Variants in CEP170 observed in about 807,000 individuals in gnomAD.
The protein encoded by CEP170 is centrosomal protein of 170 kDa.
Under a neutral mutation model 151.9 loss-of-function variants are expected in CEP170, and 21 were observed. The ratio of observed to expected loss-of-function variants is 0.14; its 90% CI spans 0.10 to 0.20. CEP170 has a LOEUF of 0.20. CEP170 is among the 10% of genes least tolerant of loss of function. The pLI, the probability that CEP170 is intolerant of heterozygous loss-of-function variation, is 1.00. For missense variants in CEP170, 964 were observed against 1,892.9 expected (o/e 0.51, Z 9.11); for synonymous variants, 356 against 648.8 (o/e 0.55, Z 6.86).
At chr1:243,201,269 G>T (rs1175886613) in intron 4 of CEP170, among the ~76,000 whole-genome samples, 2 of 151,936 alleles carry the variant, frequency 1.3e-5, no homozygotes, top group African/African-American at 2.4e-5. Flanking sequence ...AACTTCATAA[G>T]CATTGATAAA....
At chr1:243,244,171 T>G (rs942481381) in intron 1 of CEP170, among the ~76,000 whole-genome samples, 2 of 152,192 alleles carry the variant, frequency 1.3e-5, no homozygotes, top group African/African-American at 4.8e-5. Flanking sequence ...TGCTGATGAA[T>G]GGAATGATAA....
At chr1:243,224,016 A>C (rs939050950) in intron 2 of CEP170, among the ~76,000 whole-genome samples, 3 of 152,204 alleles carry the variant, frequency 2.0e-5, no homozygotes, top group Non-Finnish European at 4.4e-5. Flanking sequence ...TAGGAAGAAT[A>C]TGTAATGGAT....
intron 1 of CEP170, among the ~76,000 whole-genome samples, chr1:243,245,969 C>A (rs1485133645): frequency 1.3e-5 from 2 of 151,110 alleles, no homozygotes; most frequent in African/African-American, 4.8e-5. Context: ...AAAAAGAAAG[C>A]AAATTTTAAA....
At chr1:243,212,703 T>TC (rs1491470814) in intron 3 of CEP170, among the ~76,000 whole-genome samples, 65 of 148,850 alleles carry the variant, frequency 4.4e-4, no homozygotes, top group Non-Finnish European at 7.8e-4. Flanking sequence ...TCTCTCTCTC[T>TC]TTCTTTCAGG....
chr1:243,191,295 A>G lies in CEP170; in HGVS notation c.831T>C (p.His277=). 1 of 1,613,100 alleles carries G rather than the reference A, an allele frequency of 6.2e-7. No homozygotes were observed. Among genetic ancestry groups the G allele is most frequent in the Non-Finnish European group, 8.5e-7 (1 of 1,179,540 alleles). ...CATCAAATTCAATGGTAAATGAAGC[A>G]TGCCCTGCACCTGTTATATGGGAAC... ...TPSSHITGAG[H]ASFTIEFDDS... is the part of the protein sequence containing the mutation. The change falls in exon 8 of 20, where the codon CAT becomes CAC. Residue 277 remains histidine (H), a synonymous_variant. Coordinates refer to ENST00000366542, the MANE Select transcript of CEP170 (RefSeq NM_014812.3).
intron 3 of CEP170, among the ~76,000 whole-genome samples, chr1:243,216,219 TA>T (rs1375949699): frequency 6.6e-6 from 1 of 152,226 alleles, no homozygotes; most frequent in Admixed American, 6.5e-5. Context: ...ATTATTATTA[TA>T]CTTTAAGTTT....
At chr1:243,212,002 AG>A in intron 3 of CEP170, 38 bp from the exon 4 acceptor site, 1 of 1,422,680 alleles carries the variant, frequency 7.0e-7, no homozygotes, top group Non-Finnish European at 9.3e-7. Flanking sequence ...GTTACGTATG[AG>A]GTATTAATTC....
Position 243,156,316 on chromosome 1 carries a change from T to C in CEP170, c.3816A>G (p.Gly1272=), listed in dbSNP as rs1346165737. 1.3e-6 allele frequency: 2 copies of C among 1,591,892 alleles called. No individual in the cohort carries two copies. Among genetic ancestry groups the C allele is most frequent in the South Asian group, 2.3e-5 (2 of 87,670 alleles). ...ATGAAGAACTAGTAGGCATTGCTGA[T>C]CCAGCGCTCTGCAAGCGAGTGGTTT... ...ALKTTRLQSA[G]SAMPTSSSFK... The change falls in exon 14 of 20, where the codon GGA becomes GGG. Residue 1272 remains glycine, a synonymous_variant. Transcript: ENST00000366542.
At chr1:243,135,379 T>A (rs1437487747) in intron 17 of CEP170, among the ~76,000 whole-genome samples, 2 of 152,008 alleles carry the variant, frequency 1.3e-5, no homozygotes, top group Non-Finnish European at 2.9e-5. Context: ...GCTAATTTTT[T>A]TGAATTTTAA....
chr1:243,202,899 T>C (rs1199543706), intron 4 of CEP170, among the ~76,000 whole-genome samples: 2 of 152,148 alleles, frequency 1.3e-5, no homozygotes, highest in Non-Finnish European at 2.9e-5. Context: ...TGCTTCAAGC[T>C]TACCTCCTGG....
chr1:243,243,299 C>A (rs2065039860), intron 1 of CEP170, among the ~76,000 whole-genome samples: 1 of 151,962 alleles, frequency 6.6e-6, no homozygotes. Context: ...AATAGACCAA[C>A]ACAGAATTCC....
At chr1:243,155,019 G>T (rs2057423556) in intron 14 of CEP170, among the ~76,000 whole-genome samples, 1 of 152,154 alleles carries the variant, frequency 6.6e-6, no homozygotes, top group Non-Finnish European at 1.5e-5. Flanking sequence ...ACAAAAAAAT[G>T]TGTCAAGATG....
rs2053700130 is a variant in CEP170 at position 243,126,422 on chromosome 1, A to AAT, written c.*25_*26dup. 1.3e-6 allele frequency: 2 copies of AAT among 1,586,142 alleles called. No homozygotes were observed. Among genetic ancestry groups the AAT allele is most frequent in the Non-Finnish European group, 1.7e-6 (2 of 1,163,526 alleles). On this transcript the variant is annotated 3_prime_UTR_variant, in exon 20 of 20. Coordinates refer to ENST00000366542, the MANE Select transcript of CEP170 (RefSeq NM_014812.3). ...CAATATTCCTAGCCATTCCACAGGT[A>AAT]ATGATTTTTCAACAATCAAGAGAAA...
At chr1:243,156,731 A>C (rs2057583762) in intron 13 of CEP170, 1 of 298,674 alleles carries the variant, frequency 3.3e-6, no homozygotes, top group South Asian at 1.3e-4. Context: ...AATTTCGCTA[A>C]TGATAAACAA....
intron 8 of CEP170, among the ~76,000 whole-genome samples, chr1:243,189,708 T>A (rs1354720564): frequency 6.6e-6 from 1 of 152,002 alleles, no homozygotes. Flanking sequence ...TTAAGAGTGG[T>A]TTTAAAAAGT....
intron 17 of CEP170, among the ~76,000 whole-genome samples, chr1:243,131,541 A>T (rs1022533001): frequency 6.6e-6 from 1 of 152,140 alleles, no homozygotes; most frequent in African/African-American, 2.4e-5. Flanking sequence ...AATATATAAT[A>T]GAACAGATCT....
chr1:243,128,515 T>A, intron 18 of CEP170: 1 of 511,798 alleles, frequency 2.0e-6, no homozygotes, highest in Non-Finnish European at 3.3e-6. Flanking sequence ...AATAACTTTT[T>A]CAGTGAGATG....
intron 1 of CEP170, among the ~76,000 whole-genome samples, chr1:243,245,756 A>G (rs1052004624): frequency 6.6e-6 from 1 of 150,962 alleles, no homozygotes; most frequent in Non-Finnish European, 1.5e-5. Context: ...AACAAAAAAC[A>G]AAACAAAAAA....
chr1:243,177,443 A>G (rs2059327413), intron 10 of CEP170, among the ~76,000 whole-genome samples: 1 of 152,246 alleles, frequency 6.6e-6, no homozygotes, highest in Non-Finnish European at 1.5e-5. Context: ...TTGCATTAGT[A>G]TATCAATCAC....
Sources: allele counts gnomAD v4.1 joint callset (sites outside exome capture counted in the v4.1 genomes callset), GRCh38; gene constraint gnomAD v4.1.1; transcripts MANE v1.5; gene names NCBI Gene and HGNC (gene_info 2026-07-23, HGNC 2026-07-21).